TTBK2: variants seen among roughly 807,000 people sequenced by gnomAD.
TTBK2 encodes the protein tau tubulin kinase 2.
In TTBK2, 28 loss-of-function variants were observed where a neutral mutation model predicts 110.8. The ratio of observed to expected loss-of-function variants is 0.25; its 90% confidence interval spans 0.19 to 0.35. The LOEUF (loss-of-function observed/expected upper bound fraction) is 0.35. Ranked by LOEUF, TTBK2 falls within the 10% of genes least tolerant of loss-of-function variation. The pLI is 1.00. For synonymous variants in TTBK2, 532 were observed against 527.3 expected (o/e 1.01, Z -0.12); for missense variants, 1,369 against 1,500.3 (o/e 0.91, Z 1.45).
intron 7 of TTBK2, among the ~76,000 whole-genome samples, chr15:42,814,686 C>T (rs2039513334): frequency 6.6e-6 from 1 of 152,154 alleles, no homozygotes; most frequent in African/African-American, 2.4e-5. Flanking sequence ...TTAGAATTAG[C>T]TGGGAAACCT....
intron 13 of TTBK2, among the ~76,000 whole-genome samples, chr15:42,763,165 TATATATATATATATATATATATATATA>T (rs1889141716): frequency 7.8e-5 from 1 of 12,768 alleles, no homozygotes; most frequent in Non-Finnish European, 1.5e-4. Context: ...TACATATATA[TATATATATATATATATATATATATATA>T]TTTTTTTTTT....
chr15:42,874,513 C>T (rs1353851478), intron 2 of TTBK2, among the ~76,000 whole-genome samples: 3 of 151,352 alleles, frequency 2.0e-5, no homozygotes, highest in East Asian at 4.0e-4. Context: ...GATGGGGTCT[C>T]ACCATGTTGG....
chr15:42,776,056 T>G (rs928921193), intron 12 of TTBK2, among the ~76,000 whole-genome samples: 1 of 152,188 alleles, frequency 6.6e-6, no homozygotes, highest in Non-Finnish European at 1.5e-5. Context: ...CAATGCCCCA[T>G]CCATCCTTTC....
intron 6 of TTBK2, among the ~76,000 whole-genome samples, chr15:42,825,677 C>T (rs1009506365): frequency 6.6e-6 from 1 of 152,082 alleles, no homozygotes; most frequent in African/African-American, 2.4e-5. Flanking sequence ...ATGGCGCCAT[C>T]GCACTCTGGC....
chr15:42,781,368 A>G (rs1161437501), intron 11 of TTBK2, among the ~76,000 whole-genome samples: 1 of 152,146 alleles, frequency 6.6e-6, no homozygotes, highest in Non-Finnish European at 1.5e-5. Flanking sequence ...ACAACACACC[A>G]AAACTTTTGC....
intron 3 of TTBK2, among the ~76,000 whole-genome samples, chr15:42,854,527 G>A (rs910983965): frequency 3.3e-5 from 5 of 151,918 alleles, no homozygotes; most frequent in Non-Finnish European, 5.9e-5. Context: ...TTTGTTATAC[G>A]TTGTTTTGCT....
chr15:42,889,357 T>G (rs966237286), intron 1 of TTBK2, among the ~76,000 whole-genome samples: 4 of 152,164 alleles, frequency 2.6e-5, no homozygotes, highest in Non-Finnish European at 5.9e-5. Context: ...CCGTGGTCAT[T>G]TCTTCCCTTC....
chr15:42,843,920 A>G (rs1893346983), intron 3 of TTBK2, among the ~76,000 whole-genome samples: 1 of 152,090 alleles, frequency 6.6e-6, no homozygotes, highest in Non-Finnish European at 1.5e-5. Context: ...GCACATGAAG[A>G]TAGTTTCAAT....
chr15:42,917,827 T>TA (rs1448814767), intron 1 of TTBK2, among the ~76,000 whole-genome samples: 1 of 152,022 alleles, frequency 6.6e-6, no homozygotes, highest in East Asian at 1.9e-4. Flanking sequence ...AAAACCTCAA[T>TA]AAGAACAAAA....
In TTBK2 at chr15:42,775,696, A is replaced by T. The variant is rs1889887053; in HGVS notation, c.1437T>A (p.Ser479Arg). The T allele has an allele frequency of 3.1e-6, 5 of 1,613,098 alleles. No homozygotes were observed. The highest frequency in any genetic ancestry group is 2.7e-5 in the African/African-American group (2 of 75,034). The change falls in exon 13 of 15, where the codon AGT becomes AGA. Residue 479 changes from serine to arginine, a missense_variant. This residue lies in a region of TTBK2 where 1,097 missense variants were observed against 1,114.7 expected (regional missense o/e 0.98). Transcript: ENST00000267890. ...TCLEKMQKDTSAGKESILPAL... is the reference protein window; with the variant it reads ...TCLEKMQKDTRAGKESILPAL... ...CAGGGAGAATAGATTCTTTTCCTGCACTGGTATCTTTCTGCATTTTCTCCA... is the reference window on the plus strand; with the variant it reads ...CAGGGAGAATAGATTCTTTTCCTGCTCTGGTATCTTTCTGCATTTTCTCCA...
chr15:42,919,805 A>T, intron 1 of TTBK2: 1 of 985,460 alleles, frequency 1.0e-6, no homozygotes, highest in Non-Finnish European at 1.2e-6. Context: ...GCTGTAGAAT[A>T]AAGTATCCTG....
At chr15:42,789,810 C>T (rs1890569547) in intron 10 of TTBK2, among the ~76,000 whole-genome samples, 1 of 149,276 alleles carries the variant, frequency 6.7e-6, no homozygotes, top group Admixed American at 6.7e-5. Context: ...TATACATCAT[C>T]TATATTCCAT....
chr15:42,752,876 A>G lies in TTBK2; in HGVS notation c.2370T>C (p.Asp790=), dbSNP rs1487376850. 6.2e-7 allele frequency: 1 copy of G among 1,613,924 alleles called. No individual in the cohort carries two copies. The highest frequency in any genetic ancestry group is 1.1e-5 in the South Asian group (1 of 91,076). Residue 790 remains aspartate, a synonymous_variant, in exon 14 of 15, where the codon GAT becomes GAC. Transcript: ENST00000267890. ...KSILLESDNE[D]EKLSRGQHCI... ...AATGCTGCCCTCTACTTAACTTCTC[A>G]TCTTCATTATCTGACTCTAAAAGGA...
At chr15:42,859,456 C>G (rs1451987502) in intron 3 of TTBK2, among the ~76,000 whole-genome samples, 1 of 152,034 alleles carries the variant, frequency 6.6e-6, no homozygotes, top group African/African-American at 2.4e-5. Flanking sequence ...GAGGAAATAC[C>G]CAAATGCAAC....
chr15:42,817,439 C>T (rs1321495015), intron 6 of TTBK2, among the ~76,000 whole-genome samples: 1 of 152,134 alleles, frequency 6.6e-6, no homozygotes, highest in African/African-American at 2.4e-5. Context: ...ATAGTATATA[C>T]ATTAATATTC....
intron 3 of TTBK2, among the ~76,000 whole-genome samples, chr15:42,852,186 T>C (rs1260285403): frequency 1.3e-5 from 2 of 151,928 alleles, no homozygotes; most frequent in Non-Finnish European, 2.9e-5. Flanking sequence ...TCTCCTGCCT[T>C]AGCCACCTGA....
Position 42,775,199 on chromosome 15 carries a change from C to G in TTBK2, c.1934G>C (p.Ser645Thr), listed in dbSNP as rs1372110633. ...DRLELQPGAA[S>T]QFIAATPTSL... ...TGTGGGCGTCGCTGCAATAAACTGA[C>G]TAGCAGCTCCAGGCTGGAGTTCCAG... The change falls in exon 13 of 15, where the codon AGT (serine) becomes ACT (threonine). Residue 645 changes from serine (S) to threonine (T), a missense_variant. By Grantham distance (58) the Ser-to-Thr change is moderately conservative. Transcript: ENST00000267890. 6.2e-7 allele frequency: 1 copy of G among 1,614,116 alleles called. No individual in the cohort carries two copies. The highest frequency in any genetic ancestry group is 1.3e-5 in the African/African-American group (1 of 74,950).
intron 13 of TTBK2, among the ~76,000 whole-genome samples, chr15:42,761,406 A>G (rs2062023405): frequency 1.3e-5 from 2 of 152,216 alleles, no homozygotes; most frequent in Admixed American, 1.3e-4. Context: ...AATGGGAGAA[A>G]ATATCTACAA....
Position 42,745,672 on chromosome 15 carries a change from C to T in TTBK2, c.*123G>A. 1 of 1,169,514 alleles carries T rather than the reference C, an allele frequency of 8.6e-7. No individual in the cohort carries two copies. Among genetic ancestry groups the T allele is most frequent in the East Asian group, 2.4e-5 (1 of 42,398 alleles). The allele number at this position is 1,169,514 out of a possible 1,614,324, so 72.4% of individuals were successfully genotyped here. On this transcript the variant is annotated 3_prime_UTR_variant, in exon 15 of 15. Transcript: ENST00000267890. ...TTATGTCTTCTTATAAATAATTGAT[C>T]ATGTTACTTTCTTTTGCAAGAGAAG...
Sources: allele counts gnomAD v4.1 joint callset (sites outside exome capture counted in the v4.1 genomes callset), GRCh38; gene constraint gnomAD v4.1.1; regional missense constraint gnomAD v4.1.1; transcripts MANE v1.5; gene names NCBI Gene and HGNC (gene_info 2026-07-23, HGNC 2026-07-21).